ATP9A: variants seen among roughly 807,000 people sequenced by gnomAD.
ATP9A encodes the protein ATPase phospholipid transporting 9A.
In ATP9A, 52 loss-of-function variants were observed where a neutral mutation model predicts 144.1. The observed-to-expected ratio is 0.36, with a 90% CI of 0.29 to 0.45. The LOEUF (loss-of-function observed/expected upper bound fraction) is 0.45. Among genes scored for constraint, ATP9A ranks in the 20% least tolerant of loss-of-function variants. The pLI is 1.00. For missense variants in ATP9A, 947 were observed against 1,392.7 expected, an observed-to-expected ratio of 0.68 and a Z score of 5.09; for synonymous variants, 582 against 557.4, an observed-to-expected ratio of 1.04 and a Z score of -0.62.
At chr20:51,719,722 A>G (rs2077679972) in intron 3 of ATP9A, among the ~76,000 whole-genome samples, 1 of 115,316 alleles carries the variant, frequency 8.7e-6, no homozygotes, top group Non-Finnish European at 1.8e-5. Flanking sequence ...ACAGATCAAG[A>G]CTCTGTCTCA....
At position 51,644,267 on chromosome 20, in the gene ATP9A, CTTTTT is replaced by C. The variant is rs772071945; in HGVS notation, c.1507-4768_1507-4764del. On this transcript the variant is annotated intron_variant, in intron 14 of 27. Coordinates refer to ENST00000338821, the MANE Select transcript of ATP9A (RefSeq NM_006045.3). ...AATTACTTCTAGCTTTTACTTCTAG[CTTTTT>C]TTTTTTTTTTTTTTTTTTGAGACGG... 6.6e-5 allele frequency among the ~76,000 whole-genome samples: 5 copies of C among 76,000 alleles called. No individual in the cohort carries two copies. In the Admixed American group the frequency reaches 8.4e-4, roughly 13 times the overall value. The allele number at this position is 76,000 out of a possible 152,430, so 49.9% of individuals were successfully genotyped here.
At chr20:51,710,911 T>C (rs540824442) in intron 4 of ATP9A, among the ~76,000 whole-genome samples, 1 of 152,238 alleles carries the variant, frequency 6.6e-6, no homozygotes, top group African/African-American at 2.4e-5. Context: ...ATGAATGGAA[T>C]CCGAAGGCCT....
At chr20:51,675,107 C>T (rs915083044) in intron 10 of ATP9A, among the ~76,000 whole-genome samples, 7 of 152,088 alleles carry the variant, frequency 4.6e-5, no homozygotes, top group African/African-American at 1.7e-4. Context: ...CCACCGTGCC[C>T]GGCCCTGGAC....
In ATP9A at chr20:51,765,555, T is replaced by G. The variant is rs1369166221; in HGVS notation, c.68+2747A>C. On this transcript the variant is annotated intron_variant, in intron 1 of 27. Coordinates refer to ENST00000338821, the MANE Select transcript of ATP9A (RefSeq NM_006045.3). Reference sequence around the variant, plus strand: ...AATCCCAGCTACTCAGGAGGCTGATTCAAGGAGAATCGCTTGAACCTGGAA... The same window carrying G: ...AATCCCAGCTACTCAGGAGGCTGATGCAAGGAGAATCGCTTGAACCTGGAA... Among the ~76,000 whole-genome samples the G allele has an allele frequency of 2.7e-5, 4 of 146,454 alleles. No homozygotes were observed. In the South Asian group the frequency reaches 8.5e-4, roughly 31 times the overall value.
At chr20:51,764,615 C>T (rs1020873142) in intron 1 of ATP9A, among the ~76,000 whole-genome samples, 6 of 152,150 alleles carry the variant, frequency 3.9e-5, no homozygotes, top group African/African-American at 1.4e-4. Flanking sequence ...TTGCCTAGAA[C>T]CATTAGGTGA....
At chr20:51,634,040 C>T (rs994261400) in intron 15 of ATP9A, among the ~76,000 whole-genome samples, 9 of 152,014 alleles carry the variant, frequency 5.9e-5, no homozygotes, top group Non-Finnish European at 1.3e-4. Flanking sequence ...CAGGTTAAAA[C>T]AAAAATAGAT....
intron 6 of ATP9A, 21 bp downstream of exon 6, chr20:51,696,072 A>G (rs1289049785): frequency 6.2e-7 from 1 of 1,605,010 alleles, no homozygotes; most frequent in Admixed American, 1.7e-5. Context: ...GTTATTTTCC[A>G]AATTGATCTC....
chr20:51,688,095 G>A (rs1409699484), intron 9 of ATP9A, among the ~76,000 whole-genome samples: 2 of 152,148 alleles, frequency 1.3e-5, no homozygotes, highest in African/African-American at 2.4e-5. Flanking sequence ...CTCAGCCTCC[G>A]TTCCGTCATC....
intron 6 of ATP9A, 32 bp from the exon 7 acceptor site, chr20:51,694,134 AC>A: frequency 6.4e-7 from 1 of 1,574,174 alleles, no homozygotes. Context: ...CGTCACCTGC[AC>A]CTCAAGCACC....
intron 15 of ATP9A, among the ~76,000 whole-genome samples, chr20:51,632,154 C>T (rs1434806105): frequency 1.3e-5 from 2 of 152,162 alleles, no homozygotes; most frequent in East Asian, 1.9e-4. Flanking sequence ...ACTACAGCCT[C>T]GACCTCCTGG....
intron 13 of ATP9A, among the ~76,000 whole-genome samples, chr20:51,666,995 A>T (rs1019164987): frequency 1.1e-4 from 17 of 152,058 alleles, no homozygotes; most frequent in Non-Finnish European, 2.5e-4. Context: ...AGATGCACAC[A>T]CTCTCACTTG....
intron 1 of ATP9A, among the ~76,000 whole-genome samples, chr20:51,761,064 G>C (rs907493909): frequency 6.6e-6 from 1 of 152,136 alleles, no homozygotes; most frequent in Non-Finnish European, 1.5e-5. Context: ...AGAGTAATGA[G>C]AGTCCTACCT....
At chr20:51,633,465 G>C (rs1601069859) in intron 15 of ATP9A, among the ~76,000 whole-genome samples, 2 of 152,292 alleles carry the variant, frequency 1.3e-5, no homozygotes, top group African/African-American at 4.8e-5. Flanking sequence ...AGATGAACTG[G>C]TCAGGCACGG....
chr20:51,690,850 A>G, intron 7 of ATP9A, 31 bp from the exon 8 acceptor site: 1 of 1,585,444 alleles, frequency 6.3e-7, no homozygotes, highest in Non-Finnish European at 8.7e-7. Context: ...TCGGGAGTCA[A>G]AGTCAGTTCA....
At chr20:51,629,127 G>T (rs577457843) in intron 15 of ATP9A, 55 bp from the exon 16 acceptor site, 2 of 1,406,760 alleles carry the variant, frequency 1.4e-6, no homozygotes, top group African/African-American at 1.4e-5. Context: ...CTCTTTCAGC[G>T]GCAAAGCCCG....
Position 51,601,131 on chromosome 20 carries a change from G to T in ATP9A, c.*80C>A, listed in dbSNP as rs1425995805. ...AGCAATTACTGCAAAATCCACAGGT[G>T]GCGGTTAATATAAATGGAACTTGAG... On this transcript the variant is annotated 3_prime_UTR_variant, in exon 28 of 28. Transcript: ENST00000338821. The T allele has an allele frequency of 3.4e-6, 5 of 1,465,084 alleles. No homozygotes were observed. The African/African-American group carries it at 7.1e-5, about 21-fold the overall frequency. 90.8% of individuals were successfully genotyped at this position (1,465,084 alleles called of 1,614,324 possible).
chr20:51,738,504 G>A (rs1275178787), intron 1 of ATP9A, among the ~76,000 whole-genome samples: 1 of 150,150 alleles, frequency 6.7e-6, no homozygotes. Context: ...AGGAGTTCAC[G>A]ACCAGCCTTG....
At chr20:51,725,081 A>G (rs1275267354) in intron 3 of ATP9A, among the ~76,000 whole-genome samples, 1 of 152,046 alleles carries the variant, frequency 6.6e-6, no homozygotes, top group Non-Finnish European at 1.5e-5. Flanking sequence ...TTAGTGCTCA[A>G]AAGTTTTAGA....
At chr20:51,707,846 A>C (rs1436593599) in intron 4 of ATP9A, among the ~76,000 whole-genome samples, 1 of 145,834 alleles carries the variant, frequency 6.9e-6, no homozygotes, top group Non-Finnish European at 1.5e-5. Flanking sequence ...TGAAGTCTCA[A>C]CTGTGTTTGT....
Sources: gnomAD v4.1 joint callset for allele counts (sites outside exome capture counted in the v4.1 genomes callset) on GRCh38, gnomAD v4.1.1 for gene constraint, MANE v1.5 for transcripts, NCBI Gene and HGNC (gene_info 2026-07-23, HGNC 2026-07-21) for gene names.